NTRK2: variants seen among roughly 807,000 people sequenced by gnomAD.
The protein encoded by NTRK2 is BDNF/NT-3 growth factors receptor.
Under a neutral mutation model 94.5 loss-of-function variants are expected in NTRK2, and 13 were observed. That is an observed-to-expected ratio of 0.14 (90% CI 0.09 to 0.22). The LOEUF (loss-of-function observed/expected upper bound fraction) is 0.22. Among genes scored for constraint, NTRK2 ranks in the 10% least tolerant of loss-of-function variants. NTRK2 has a pLI of 1.00. For missense variants in NTRK2, 639 were observed against 1,071.2 expected (o/e 0.60, Z 5.63); for synonymous variants, 372 against 407.4 (o/e 0.91, Z 1.05).
At chr9:84,963,562 G>T (rs915161776) in intron 17 of NTRK2, among the ~76,000 whole-genome samples, 1 of 152,206 alleles carries the variant, frequency 6.6e-6, no homozygotes, top group Non-Finnish European at 1.5e-5. Flanking sequence ...ATTTGATTAT[G>T]ATATGCCTTA....
At chr9:85,012,244 C>T (rs2133525345) in intron 17 of NTRK2, among the ~76,000 whole-genome samples, 1 of 152,164 alleles carries the variant, frequency 6.6e-6, no homozygotes, top group Non-Finnish European at 1.5e-5. Context: ...GCCTTTGCCT[C>T]CCATAGTGCT....
intron 16 of NTRK2, among the ~76,000 whole-genome samples, chr9:84,951,191 T>A (rs1366276456): frequency 6.6e-6 from 1 of 152,192 alleles, no homozygotes; most frequent in Non-Finnish European, 1.5e-5. Flanking sequence ...CCTATGATTG[T>A]GTGGGCGAGG....
At chr9:85,013,505 G>A (rs1241805455) in intron 17 of NTRK2, among the ~76,000 whole-genome samples, 2 of 152,174 alleles carry the variant, frequency 1.3e-5, no homozygotes, top group Non-Finnish European at 2.9e-5. Context: ...GTTTCACCAT[G>A]TTGGTCAGGC....
At chr9:84,729,903 A>G (rs972938579) in intron 9 of NTRK2, among the ~76,000 whole-genome samples, 2 of 152,098 alleles carry the variant, frequency 1.3e-5, no homozygotes, top group African/African-American at 4.8e-5. Context: ...TATGGTACTG[A>G]TATTTGGTAG....
At chr9:84,682,905 A>G (rs943310110) in intron 2 of NTRK2, among the ~76,000 whole-genome samples, 6 of 152,162 alleles carry the variant, frequency 3.9e-5, no homozygotes, top group Non-Finnish European at 7.4e-5. Context: ...AATAGACTCT[A>G]TTTAACCAAC....
chr9:84,764,013 C>T (rs1218951711), intron 12 of NTRK2, among the ~76,000 whole-genome samples: 3 of 152,068 alleles, frequency 2.0e-5, no homozygotes, highest in Non-Finnish European at 4.4e-5. Context: ...CTCTCTATTT[C>T]CTATAAACTG....
At chr9:84,927,075 T>A (rs1272814420) in intron 14 of NTRK2, among the ~76,000 whole-genome samples, 1 of 152,232 alleles carries the variant, frequency 6.6e-6, no homozygotes, top group Non-Finnish European at 1.5e-5. Flanking sequence ...GAAAACAAAC[T>A]GTCATGAAGA....
In NTRK2 at chr9:85,022,804, A is replaced by G. The variant is rs199933826; in HGVS notation, c.*1367A>G. ...CGTTGTACGGTGGTGATGGGTTTTA[A>G]TGAATATGGACCCTGAAGCCTGGAA... On this transcript the variant is annotated 3_prime_UTR_variant, in exon 19 of 19. Coordinates refer to ENST00000277120, the MANE Select transcript of NTRK2 (RefSeq NM_006180.6). 19 of 233,232 alleles carry G rather than the reference A, an allele frequency of 8.1e-5. No homozygotes were observed. The highest frequency in any genetic ancestry group is 1.3e-3 in the Middle Eastern group (1 of 786). 14.4% of individuals were successfully genotyped at this position (233,232 alleles called of 1,614,324 possible).
chr9:84,820,182 T>C (rs1197809729), intron 12 of NTRK2, among the ~76,000 whole-genome samples: 2 of 150,864 alleles, frequency 1.3e-5, no homozygotes, highest in Non-Finnish European at 3.0e-5. Context: ...TTTTTTTTTT[T>C]TTTTGGTGAC....
intron 12 of NTRK2, among the ~76,000 whole-genome samples, chr9:84,860,036 A>G (rs978299438): frequency 6.6e-6 from 1 of 152,222 alleles, no homozygotes; most frequent in African/African-American, 2.4e-5. Context: ...TCATGACAAC[A>G]ACCTCCTAAG....
intron 15 of NTRK2, among the ~76,000 whole-genome samples, chr9:84,944,077 C>T (rs2132830984): frequency 6.6e-6 from 1 of 152,196 alleles, no homozygotes; most frequent in African/African-American, 2.4e-5. Context: ...TACTGAAGCA[C>T]AGTTTTTGAC....
At chr9:84,923,718 C>G (rs1032529724) in intron 14 of NTRK2, among the ~76,000 whole-genome samples, 4 of 152,016 alleles carry the variant, frequency 2.6e-5, no homozygotes, top group African/African-American at 9.7e-5. Context: ...GAGTTGGAGA[C>G]CAGCCTGGCC....
At chr9:84,874,325 G>A (rs199545171) in intron 14 of NTRK2, 1 of 1,065,266 alleles carries the variant, frequency 9.4e-7, no homozygotes, top group Non-Finnish European at 1.1e-6. Context: ...TCTTGGATGT[G>A]AGGCTCAATC....
intron 15 of NTRK2, among the ~76,000 whole-genome samples, chr9:84,938,409 T>C (rs998395580): frequency 6.6e-6 from 1 of 152,302 alleles, no homozygotes; most frequent in African/African-American, 2.4e-5. Flanking sequence ...CATCCACGCA[T>C]CAGCTCTCAG....
intron 12 of NTRK2, among the ~76,000 whole-genome samples, chr9:84,837,561 G>A (rs1247412909): frequency 2.0e-5 from 3 of 152,194 alleles, no homozygotes; most frequent in East Asian, 1.9e-4. Flanking sequence ...TGATGCTTTC[G>A]AGGGAGGCTT....
intron 14 of NTRK2, chr9:84,874,304 A>G: frequency 1.9e-6 from 2 of 1,065,322 alleles, no homozygotes; most frequent in African/African-American, 3.3e-5. Flanking sequence ...AGATGGCACC[A>G]CCGGAGTTTT....
intron 17 of NTRK2, among the ~76,000 whole-genome samples, chr9:84,993,602 C>T (rs1256175906): frequency 6.6e-6 from 1 of 152,186 alleles, no homozygotes; most frequent in African/African-American, 2.4e-5. Context: ...CAAATCTGGC[C>T]ATGCCATTCT....
intron 14 of NTRK2, among the ~76,000 whole-genome samples, chr9:84,919,777 A>G (rs2077505379): frequency 6.6e-6 from 1 of 152,214 alleles, no homozygotes; most frequent in South Asian, 2.1e-4. Context: ...TGGCCGCACC[A>G]TATAACATTT....
At position 85,024,556 on chromosome 9, in the gene NTRK2, A is replaced by T. The variant is rs1832938721; in HGVS notation, c.*3119A>T. 4.3e-6 allele frequency: 1 copy of T among 232,916 alleles called. No individual in the cohort carries two copies. Among genetic ancestry groups the T allele is most frequent in the Admixed American group, 5.6e-5 (1 of 17,788 alleles). 14.4% of individuals were successfully genotyped at this position (232,916 alleles called of 1,614,324 possible). A position where few individuals can be genotyped will look rare whatever the true frequency, so the allele number is the denominator to read the frequency against. ...GGTCTCCAGCCTAGCTTCCAGCACC[A>T]TTGGGACTGAATCCAAGTACTCTCA... On this transcript the variant is annotated 3_prime_UTR_variant, in exon 19 of 19. Transcript: ENST00000277120.
Sources: allele counts gnomAD v4.1 joint callset (sites outside exome capture counted in the v4.1 genomes callset), GRCh38; gene constraint gnomAD v4.1.1; transcripts MANE v1.5; gene names NCBI Gene and HGNC (gene_info 2026-07-23, HGNC 2026-07-21).